The following DOCK4 variants were observed in gnomAD, a reference collection of about 807,000 sequenced individuals.
DOCK4 encodes the protein dedicator of cytokinesis protein 4.
DOCK4 carries 97 observed loss-of-function variants against 268.1 expected under a neutral mutation model. The observed-to-expected ratio is 0.36, with a 90% confidence interval of 0.31 to 0.43. The LOEUF (loss-of-function observed/expected upper bound fraction) is 0.43, where lower values mean the gene tolerates loss of function less well. Among genes scored for constraint, DOCK4 ranks in the 20% least tolerant of loss-of-function variants. The pLI, the probability that DOCK4 is intolerant of heterozygous loss-of-function variation, is 1.00. For missense variants in DOCK4, 2,145 were observed against 2,455.7 expected (o/e 0.87, Z 2.67); for synonymous variants, 954 against 887.2 (o/e 1.08, Z -1.34).
chr7:111,847,854 T>C (rs192301929), intron 23 of DOCK4, among the ~76,000 whole-genome samples: 314 of 152,302 alleles, frequency 2.1e-3, no homozygotes, highest in African/African-American at 6.5e-3. Context: ...ACTAATACAC[T>C]CCCTTTTCTC....
chr7:111,852,112 G>A (rs1037681506), intron 23 of DOCK4, among the ~76,000 whole-genome samples: 3 of 152,016 alleles, frequency 2.0e-5, no homozygotes, highest in South Asian at 2.1e-4. Flanking sequence ...ACAGGCATTC[G>A]CCGCCATGCC....
At chr7:111,961,060 G>T (rs1268989878) in intron 8 of DOCK4, among the ~76,000 whole-genome samples, 1 of 151,956 alleles carries the variant, frequency 6.6e-6, no homozygotes, top group Non-Finnish European at 1.5e-5. Flanking sequence ...TGGATTGCTG[G>T]ATCCCTATCA....
intron 16 of DOCK4, among the ~76,000 whole-genome samples, chr7:111,884,601 T>C (rs1807682305): frequency 1.3e-5 from 2 of 151,708 alleles, no homozygotes; most frequent in East Asian, 1.9e-4. Flanking sequence ...GGGCTCAGAG[T>C]GGTATATGGA....
intron 1 of DOCK4, among the ~76,000 whole-genome samples, chr7:112,022,387 G>C (rs1242313480): frequency 6.6e-6 from 1 of 152,228 alleles, no homozygotes; most frequent in Non-Finnish European, 1.5e-5. Flanking sequence ...CTCGGTGGTG[G>C]TACAGGAGAG....
At chr7:111,984,941 T>C (rs991570688) in intron 6 of DOCK4, among the ~76,000 whole-genome samples, 9 of 152,128 alleles carry the variant, frequency 5.9e-5, no homozygotes, top group African/African-American at 2.2e-4. Context: ...AGGCAGGAAA[T>C]GGAAATGGGG....
intron 12 of DOCK4, among the ~76,000 whole-genome samples, chr7:111,924,435 G>C (rs1426589262): frequency 6.6e-6 from 1 of 152,204 alleles, no homozygotes; most frequent in African/African-American, 2.4e-5. Context: ...AAGCTGATGG[G>C]AGAGGGAACC....
chr7:112,168,682 C>T (rs1056901752), intron 1 of DOCK4, among the ~76,000 whole-genome samples: 4 of 152,134 alleles, frequency 2.6e-5, no homozygotes, highest in African/African-American at 7.2e-5. Flanking sequence ...CACTGTACCC[C>T]AGCCTGAGTG....
At chr7:112,043,021 C>T (rs1056902804) in intron 1 of DOCK4, among the ~76,000 whole-genome samples, 2 of 152,168 alleles carry the variant, frequency 1.3e-5, no homozygotes, top group Admixed American at 1.3e-4. Context: ...GAGGCCCTCA[C>T]CTGATGTGGC....
intron 1 of DOCK4, among the ~76,000 whole-genome samples, chr7:112,036,926 G>A (rs1028676690): frequency 6.6e-6 from 1 of 152,144 alleles, no homozygotes; most frequent in Non-Finnish European, 1.5e-5. Context: ...CTCCCATAGT[G>A]CTGGGATTAC....
chr7:112,025,062 A>G (rs1254164012), intron 1 of DOCK4, among the ~76,000 whole-genome samples: 1 of 152,196 alleles, frequency 6.6e-6, no homozygotes, highest in Non-Finnish European at 1.5e-5. Context: ...GCACTAATCA[A>G]CAGAAATGTT....
At chr7:112,111,716 G>C (rs1351930098) in intron 1 of DOCK4, among the ~76,000 whole-genome samples, 1 of 152,186 alleles carries the variant, frequency 6.6e-6, no homozygotes, top group African/African-American at 2.4e-5. Flanking sequence ...CCTAATATAA[G>C]GGCCAGGGGC....
chr7:111,755,413 T>C (rs1796956413), intron 42 of DOCK4, 102 bp downstream of exon 42: 1 of 1,108,490 alleles, frequency 9.0e-7, no homozygotes, highest in Non-Finnish European at 1.4e-6. Flanking sequence ...CTATGAGTGC[T>C]TCCAGAGAAT....
In DOCK4 at chr7:112,085,245, C is replaced by A. The variant is rs190052362; in HGVS notation, c.38-81114G>T. ...CAAAGGGTCAGGATGCTCAAGAGAG[C>A]AATTTCAAATTATCTTTCATAAACC... On this transcript the variant is annotated intron_variant, in intron 1 of 52. Transcript: ENST00000428084. Among the ~76,000 whole-genome samples, 178 of 152,138 alleles carry A rather than the reference C, an allele frequency of 1.2e-3. 1 individual carries two copies. Among genetic ancestry groups the A allele is most frequent in the African/African-American group, 3.8e-3 (157 of 41,550 alleles).
intron 1 of DOCK4, among the ~76,000 whole-genome samples, chr7:112,010,249 A>G (rs547827321): frequency 3.3e-5 from 5 of 152,292 alleles, no homozygotes; most frequent in African/African-American, 1.2e-4. Flanking sequence ...GGTGGAAAAA[A>G]ACACATCAGT....
chr7:111,897,639 T>C (rs758701173), intron 15 of DOCK4, among the ~76,000 whole-genome samples: 2 of 152,144 alleles, frequency 1.3e-5, no homozygotes, highest in Non-Finnish European at 2.9e-5. Context: ...ATCTACACCA[T>C]GGAAATCAGC....
chr7:112,092,630 AAC>A (rs1239931032), intron 1 of DOCK4, among the ~76,000 whole-genome samples: 3 of 152,176 alleles, frequency 2.0e-5, no homozygotes, highest in Non-Finnish European at 2.9e-5. Flanking sequence ...TCAAGTGAAA[AAC>A]AGTTTCTCCA....
At chr7:112,138,783 G>A (rs1238788532) in intron 1 of DOCK4, among the ~76,000 whole-genome samples, 1 of 152,108 alleles carries the variant, frequency 6.6e-6, no homozygotes, top group African/African-American at 2.4e-5. Context: ...CCTGAGGGTG[G>A]GGCCCCGTTA....
chr7:112,128,670 T>C (rs938356118), intron 1 of DOCK4, among the ~76,000 whole-genome samples: 1 of 152,120 alleles, frequency 6.6e-6, no homozygotes, highest in Non-Finnish European at 1.5e-5. Context: ...TTAAATGGAT[T>C]AAGGGCGGTG....
Position 111,944,861 on chromosome 7 carries a change from C to G in DOCK4, c.794G>C (p.Ser265Thr), listed in dbSNP as rs768343408. 1 of 1,613,934 alleles carries G rather than the reference C, an allele frequency of 6.2e-7. No individual in the cohort carries two copies. The highest frequency in any genetic ancestry group is 8.5e-7 in the Non-Finnish European group (1 of 1,179,856). Residue 265 changes from serine to threonine, a missense_variant, in exon 10 of 53, where the codon AGC becomes ACC. Ser to Thr is a moderately conservative substitution (Grantham distance 58, BLOSUM62 1). Coordinates refer to ENST00000428084, the MANE Select transcript of DOCK4 (RefSeq NM_001363540.2). ...ATAAATGTCCTTTCTTAGCTCACTG[C>G]TGCCCAAATCCTACAAACAAAGAAA... ...RHCSLFVDLG[S>T]SELRKDIYIT...
Sources: allele counts gnomAD v4.1 joint callset (sites outside exome capture counted in the v4.1 genomes callset), GRCh38; gene constraint gnomAD v4.1.1; transcripts MANE v1.5; gene names NCBI Gene and HGNC (gene_info 2026-07-23, HGNC 2026-07-21).